Variants in CSMD1 observed in about 807,000 individuals in gnomAD.
CSMD1 encodes CUB and Sushi multiple domains 1.
Under a neutral mutation model 417.5 loss-of-function variants are expected in CSMD1, and 213 were observed. That is an observed-to-expected ratio of 0.51 (90% CI 0.46 to 0.57). CSMD1 has a LOEUF of 0.57. Ranked by LOEUF, CSMD1 falls within the 20% of genes least tolerant of loss-of-function variation. CSMD1 has a pLI of 0.00. For synonymous variants in CSMD1, 2,862 were observed against 1,736.8 expected, an observed-to-expected ratio of 1.65 and a Z score of -16.11; for missense variants, 6,923 against 4,529.7, an observed-to-expected ratio of 1.53 and a Z score of -15.17.
intron 3 of CSMD1, among the ~76,000 whole-genome samples, chr8:4,067,519 A>G (rs1354224890): frequency 6.6e-6 from 1 of 152,118 alleles, no homozygotes. Context: ...AAATGCATTT[A>G]ACTTAATTTT....
rs571568387 is a variant in CSMD1 at position 4,760,551 on chromosome 8, T to C, written c.86-122993A>G. On this transcript the variant is annotated intron_variant, in intron 1 of 69. Transcript: ENST00000635120. ...TTGAATATTCTTTAGACATATATTA[T>C]TGGCAAGCAGGAATATTTTTATTTC... Among the ~76,000 whole-genome samples the C allele has an allele frequency of 1.2e-4, 19 of 152,296 alleles. No individual in the cohort carries two copies. The East Asian group carries it at 3.1e-3, about 25-fold the overall frequency.
intron 5 of CSMD1, among the ~76,000 whole-genome samples, chr8:3,956,276 A>G (rs972397783): frequency 2.6e-5 from 4 of 152,222 alleles, no homozygotes; most frequent in Non-Finnish European, 5.9e-5. Flanking sequence ...TTTTAAAACA[A>G]TGAAACCATC....
chr8:3,389,289 C>A (rs562581919), intron 17 of CSMD1, among the ~76,000 whole-genome samples: 1 of 152,196 alleles, frequency 6.6e-6, no homozygotes, highest in Admixed American at 6.5e-5. Flanking sequence ...CTCTGATAGG[C>A]CCCAGTGTGT....
chr8:3,188,460 C>T (rs1481657868), intron 35 of CSMD1, among the ~76,000 whole-genome samples: 1 of 151,598 alleles, frequency 6.6e-6, no homozygotes, highest in Non-Finnish European at 1.5e-5. Context: ...GCGTATACTA[C>T]CATGCCTGGC....
chr8:4,781,136 C>T (rs973092727), intron 1 of CSMD1, among the ~76,000 whole-genome samples: 1 of 152,184 alleles, frequency 6.6e-6, no homozygotes, highest in African/African-American at 2.4e-5. Context: ...CAGGTGTCAC[C>T]TGCAATCCCA....
chr8:4,950,940 T>G (rs575508318), intron 1 of CSMD1, among the ~76,000 whole-genome samples: 23 of 151,550 alleles, frequency 1.5e-4, no homozygotes, highest in Non-Finnish European at 3.1e-4. Context: ...ACTGACCAAT[T>G]ACAAAACTTG....
intron 5 of CSMD1, among the ~76,000 whole-genome samples, chr8:3,868,636 C>T (rs1403479839): frequency 6.6e-6 from 1 of 152,116 alleles, no homozygotes; most frequent in East Asian, 1.9e-4. Flanking sequence ...TAAACAAGTT[C>T]CTAATATTTC....
chr8:4,444,802 C>G (rs960278958), intron 2 of CSMD1, among the ~76,000 whole-genome samples: 2 of 152,174 alleles, frequency 1.3e-5, no homozygotes, highest in East Asian at 3.9e-4. Flanking sequence ...TCCAGATAAT[C>G]AGATGCTTGT....
intron 5 of CSMD1, among the ~76,000 whole-genome samples, chr8:3,941,136 TAAG>T (rs1217376835): frequency 1.3e-5 from 2 of 152,188 alleles, no homozygotes; most frequent in Non-Finnish European, 2.9e-5. Context: ...TGTATACAGT[TAAG>T]AAGAAATAAA....
intron 1 of CSMD1, among the ~76,000 whole-genome samples, chr8:4,881,568 A>G (rs1377641418): frequency 6.7e-6 from 1 of 148,920 alleles, no homozygotes; most frequent in Admixed American, 6.7e-5. Context: ...TTTACGCCTC[A>G]ATATATTTTA....
chr8:3,261,456 C>T (rs150499383), intron 26 of CSMD1, among the ~76,000 whole-genome samples: 1 of 152,232 alleles, frequency 6.6e-6, no homozygotes, highest in Non-Finnish European at 1.5e-5. Flanking sequence ...TACAAATCAC[C>T]ACTGAAGAAC....
intron 4 of CSMD1, among the ~76,000 whole-genome samples, chr8:4,025,571 G>T (rs1797018203): frequency 6.6e-6 from 1 of 152,142 alleles, no homozygotes; most frequent in African/African-American, 2.4e-5. Flanking sequence ...CAGACATCAT[G>T]CCTGTAAGAA....
chr8:4,139,259 C>A (rs1428040948), intron 3 of CSMD1, among the ~76,000 whole-genome samples: 1 of 152,088 alleles, frequency 6.6e-6, no homozygotes, highest in Non-Finnish European at 1.5e-5. Flanking sequence ...CATTATGCAT[C>A]AGTGTAAAGT....
intron 5 of CSMD1, among the ~76,000 whole-genome samples, chr8:3,889,440 T>TTCTGA (rs1806792095): frequency 1.6e-5 from 2 of 122,914 alleles, no homozygotes; most frequent in East Asian, 4.7e-4. Context: ...GTTGATATGC[T>TTCTGA]TCTGATCTTT....
intron 2 of CSMD1, among the ~76,000 whole-genome samples, chr8:4,488,680 G>A (rs1279351736): frequency 6.8e-6 from 1 of 147,534 alleles, no homozygotes; most frequent in Non-Finnish European, 1.5e-5. Flanking sequence ...CATAATCATG[G>A]CGGTGGGGGG....
chr8:2,995,601 A>G (rs1029921650), intron 54 of CSMD1, among the ~76,000 whole-genome samples: 5 of 152,226 alleles, frequency 3.3e-5, no homozygotes, highest in African/African-American at 9.6e-5. Flanking sequence ...TGTTCATAAC[A>G]GCTCGTAGCA....
chr8:3,688,951 G>A (rs1378224554), intron 7 of CSMD1, among the ~76,000 whole-genome samples: 1 of 152,096 alleles, frequency 6.6e-6, no homozygotes, highest in African/African-American at 2.4e-5. Flanking sequence ...TTAAATGAAT[G>A]AAATATTATG....
At chr8:3,147,240 G>T (rs1818900140) in intron 40 of CSMD1, among the ~76,000 whole-genome samples, 1 of 152,002 alleles carries the variant, frequency 6.6e-6, no homozygotes, top group Admixed American at 6.6e-5. Flanking sequence ...AATTCACTTT[G>T]GAGTTTTGAT....
intron 5 of CSMD1, among the ~76,000 whole-genome samples, chr8:3,933,488 C>A (rs1374698752): frequency 6.6e-6 from 1 of 152,106 alleles, no homozygotes; most frequent in Non-Finnish European, 1.5e-5. Flanking sequence ...CCCTTTCAGC[C>A]ATGGTCTTCT....
Sources: gnomAD v4.1 joint callset for allele counts (sites outside exome capture counted in the v4.1 genomes callset) on GRCh38, gnomAD v4.1.1 for gene constraint, MANE v1.5 for transcripts, NCBI Gene and HGNC (gene_info 2026-07-23, HGNC 2026-07-21) for gene names.